ZNF544: variants seen among roughly 807,000 people sequenced by gnomAD.
ZNF544 encodes the protein zinc finger protein 544.
In ZNF544, 10 loss-of-function variants were observed where a neutral mutation model predicts 13.5. The ratio of observed to expected loss-of-function variants is 0.74; its 90% CI spans 0.46 to 1.25. The LOEUF is 1.25. ZNF544 is among the 50% of genes most tolerant of loss of function. ZNF544 has a pLI of 0.00. For missense variants in ZNF544, 896 were observed against 845.6 expected, an observed-to-expected ratio of 1.06 and a Z score of -0.74; for synonymous variants, 323 against 300.5, an observed-to-expected ratio of 1.07 and a Z score of -0.77.
chr19:58,261,139 T>TA lies in ZNF544; in HGVS notation c.534dup (p.Pro179ThrfsTer8), dbSNP rs562561003. On this transcript the variant is annotated frameshift_variant, in exon 7 of 7. Transcript: ENST00000687789. LOFTEE classifies it low-confidence loss of function (END_TRUNC). ...ACTTTAAGCCTTCTACCTACAACAT[T>TA]ACCTACAAGTACAGGTTTCCCTAAG... 2.3e-4 allele frequency: 373 copies of TA among 1,614,116 alleles called. 2 individuals carry two copies. The African/African-American group carries it at 4.5e-3, about 19-fold the overall frequency.
chr19:58,262,351 G>C lies in ZNF544; in HGVS notation c.1745G>C (p.Gly582Ala). ...AAACCGTACGATTGCACTCACTGTG[G>C]AAAGTCCTTCAGCCAAAGCTATCAG... ...GEKPYDCTHC[G>A]KSFSQSYQLV... Residue 582 changes from glycine to alanine, a missense_variant, in exon 7 of 7, where the codon GGA becomes GCA. Transcript: ENST00000687789. The C allele has an allele frequency of 1.2e-6, 2 of 1,614,096 alleles. No individual in the cohort carries two copies. Among genetic ancestry groups the C allele is most frequent in the South Asian group, 2.2e-5 (2 of 91,084 alleles).
At position 58,243,988 on chromosome 19, in the gene ZNF544, C is replaced by T. The variant is rs756196595; in HGVS notation, c.-36C>T. ...AGACTGGTCTTCTGAGGACCTCTGC[C>T]CTCTACACAGCGGCCTCTTCAGGTG... On this transcript the variant is annotated 5_prime_UTR_variant, in exon 4 of 7. Coordinates refer to ENST00000687789, the MANE Select transcript of ZNF544 (RefSeq NM_014480.4). 25 of 1,601,276 alleles carry T rather than the reference C, an allele frequency of 1.6e-5. No individual in the cohort carries two copies. In the Admixed American group the frequency reaches 2.2e-4, roughly 14 times the overall value.
downstream of ZNF544, among the ~76,000 whole-genome samples, chr19:58,266,390 C>A (rs1173198843): frequency 6.6e-6 from 1 of 151,432 alleles, no homozygotes; most frequent in African/African-American, 2.4e-5. Context: ...TGGCAGGTGC[C>A]TGTAGTCCCA....
At chr19:58,234,734 G>A (rs756941222) in intron 3 of ZNF544, among the ~76,000 whole-genome samples, 19 of 152,134 alleles carry the variant, frequency 1.2e-4, no homozygotes, top group Non-Finnish European at 2.6e-4. Flanking sequence ...CTGATGTGAG[G>A]GTGAAATTTG....
Position 58,263,514 on chromosome 19 carries a change from A to G in ZNF544, c.*760A>G. The G allele has an allele frequency of 3.0e-6, 3 of 985,472 alleles. No homozygotes were observed. Among genetic ancestry groups the G allele is most frequent in the Non-Finnish European group, 3.6e-6 (3 of 829,946 alleles). 61.0% of individuals were successfully genotyped at this position (985,472 alleles called of 1,614,324 possible). On this transcript the variant is annotated 3_prime_UTR_variant, in exon 7 of 7. Coordinates refer to ENST00000687789, the MANE Select transcript of ZNF544 (RefSeq NM_014480.4). ...TGCCAGACCTTGTTTACTAGAAATC[A>G]GGTGGCCAAAACATGACTCTCAGAG...
chr19:58,245,332 C>T (rs1392935533), intron 4 of ZNF544, among the ~76,000 whole-genome samples: 1 of 148,798 alleles, frequency 6.7e-6, no homozygotes, highest in South Asian at 2.2e-4. Flanking sequence ...GATGGAGTCT[C>T]ACCCTGTCAC....
At chr19:58,240,153 A>G (rs2043253978) in intron 3 of ZNF544, among the ~76,000 whole-genome samples, 1 of 152,144 alleles carries the variant, frequency 6.6e-6, no homozygotes, top group Non-Finnish European at 1.5e-5. Context: ...GATCCCCCTA[A>G]TACACCATGG....
chr19:58,245,354 T>C (rs2044911187), intron 4 of ZNF544, among the ~76,000 whole-genome samples: 1 of 149,442 alleles, frequency 6.7e-6, no homozygotes. Flanking sequence ...CAGGCTGGAG[T>C]ACAATGGCGC....
At chr19:58,246,509 G>A (rs1044424134) in intron 5 of ZNF544, 82 bp downstream of exon 5, 6 of 1,573,662 alleles carry the variant, frequency 3.8e-6, no homozygotes, top group Non-Finnish European at 5.2e-6. Context: ...TCTGGGATGT[G>A]CTGGAAGATA....
At chr19:58,241,853 A>G (rs62116019) in intron 3 of ZNF544, among the ~76,000 whole-genome samples, 2 of 152,042 alleles carry the variant, frequency 1.3e-5, no homozygotes, top group Non-Finnish European at 2.9e-5. Context: ...CCTGGCACTG[A>G]GGTCGCATGC....
chr19:58,248,395 G>C (rs765617450), intron 6 of ZNF544, among the ~76,000 whole-genome samples: 2 of 150,474 alleles, frequency 1.3e-5, no homozygotes, highest in Non-Finnish European at 2.9e-5. Flanking sequence ...ACCATGCCTG[G>C]CTAATGTAAA....
chr19:58,256,411 T>A (rs1260683621), intron 6 of ZNF544, among the ~76,000 whole-genome samples: 1 of 152,010 alleles, frequency 6.6e-6, no homozygotes, highest in East Asian at 1.9e-4. Context: ...TCTCTCGGCC[T>A]CGAGGAAGGG....
rs746773995 is a variant in ZNF544, at chr19:58,261,656, A to G, written c.1050A>G (p.Thr350=). ...CTGACTGTAACATCATTCAGACTAC[A>G]GAGAAGCCATCTGTGTGTAATCAGT... The part of the protein sequence containing the change: ...SFSDCNIIQT[T]EKPSVCNQCG... Residue 350 remains threonine, a synonymous_variant, in exon 7 of 7, where the codon ACA becomes ACG. Transcript: ENST00000687789. 2.3e-5 allele frequency: 37 copies of G among 1,614,134 alleles called. No homozygotes were observed. In the Admixed American group the frequency reaches 6.0e-4, roughly 26 times the overall value.
chr19:58,271,204 T>G (rs2050593581), intron 5 of ZNF544, among the ~76,000 whole-genome samples: 1 of 138,464 alleles, frequency 7.2e-6, no homozygotes, highest in Non-Finnish European at 1.5e-5. Context: ...AGAGTCAGAC[T>G]CCGTCTCCAG....
At chr19:58,268,846 G>A (rs1409945293), downstream of ZNF544, among the ~76,000 whole-genome samples, 1 of 152,184 alleles carries the variant, frequency 6.6e-6, no homozygotes, top group Non-Finnish European at 1.5e-5. Context: ...ACGTGCCTGT[G>A]AGCATGTTTA....
intron 5 of ZNF544, among the ~76,000 whole-genome samples, chr19:58,274,287 G>C (rs562330867): frequency 2.0e-5 from 3 of 152,258 alleles, no homozygotes; most frequent in African/African-American, 7.2e-5. Context: ...CTTATTTGGA[G>C]ACAGTGTCTT....
intron 3 of ZNF544, among the ~76,000 whole-genome samples, chr19:58,243,601 C>T (rs58231369): frequency 0.076 from 11,516 of 151,962 alleles, 917 homozygotes; most frequent in African/African-American, 0.19. Flanking sequence ...CCTCCTTGTC[C>T]CCACACCCCC....
chr19:58,271,177 G>C (rs776979344), intron 5 of ZNF544, among the ~76,000 whole-genome samples: 1 of 149,478 alleles, frequency 6.7e-6, no homozygotes, highest in African/African-American at 2.5e-5. Context: ...GCATCACTGT[G>C]CTCCAGCCTG....
At chr19:58,276,705 T>C (rs2051250714) in intron 6 of ZNF544, among the ~76,000 whole-genome samples, 1 of 152,170 alleles carries the variant, frequency 6.6e-6, no homozygotes, top group East Asian at 1.9e-4. Flanking sequence ...TGACCTCAGG[T>C]GATCCACCCA....
Sources: allele counts gnomAD v4.1 joint callset (sites outside exome capture counted in the v4.1 genomes callset), GRCh38; gene constraint gnomAD v4.1.1; transcripts MANE v1.5; gene names NCBI Gene and HGNC (gene_info 2026-07-23, HGNC 2026-07-21).